Variants in PPM1D observed in about 807,000 individuals in gnomAD.
PPM1D encodes the protein protein phosphatase, Mg2+/Mn2+ dependent 1D, also known as protein phosphatase 1D.
In PPM1D, 52 loss-of-function variants were observed where a neutral mutation model predicts 58.3. That is an observed-to-expected ratio of 0.89 (90% CI 0.71 to 1.12). PPM1D has a LOEUF of 1.12. PPM1D is among the 50% of genes most tolerant of loss of function. PPM1D has a pLI of 0.00. For missense variants in PPM1D, 564 were observed against 777.2 expected (o/e 0.73, Z 3.26); for synonymous variants, 278 against 285.1 (o/e 0.98, Z 0.25).
intron 2 of PPM1D, among the ~76,000 whole-genome samples, chr17:60,630,924 G>A (rs999760276): frequency 1.3e-5 from 2 of 152,224 alleles, no homozygotes; most frequent in African/African-American, 4.8e-5. Flanking sequence ...TGAATGGCAA[G>A]TTTAGTCTTT....
intron 1 of PPM1D, among the ~76,000 whole-genome samples, chr17:60,616,494 C>T (rs1317234652): frequency 1.3e-5 from 2 of 151,914 alleles, no homozygotes; most frequent in Admixed American, 6.6e-5. Context: ...CCTATAATCC[C>T]AGCTACTCGG....
intron 1 of PPM1D, among the ~76,000 whole-genome samples, chr17:60,615,306 A>G (rs2030559555): frequency 6.6e-6 from 1 of 152,090 alleles, no homozygotes; most frequent in Admixed American, 6.6e-5. Context: ...GCTGCTTGGG[A>G]GGCCCAGGTG....
chr17:60,642,406 C>T (rs1354580356), intron 3 of PPM1D, among the ~76,000 whole-genome samples: 1 of 129,968 alleles, frequency 7.7e-6, no homozygotes, highest in Admixed American at 8.8e-5. Context: ...GGGCAATGAA[C>T]GATTTGTGAA....
Position 60,635,285 on chromosome 17 carries a change from G to A in PPM1D, c.826+1308G>A, listed in dbSNP as rs531449587. On this transcript the variant is annotated intron_variant, in intron 3 of 5. Coordinates refer to ENST00000305921, the MANE Select transcript of PPM1D (RefSeq NM_003620.4). ...GGCTGGAGTGCAGTGGTGCAGTCTCGGCTCACTGTAACCTCTGCCTCCTGG... is the reference window on the plus strand; with the variant it reads ...GGCTGGAGTGCAGTGGTGCAGTCTCAGCTCACTGTAACCTCTGCCTCCTGG... Among the ~76,000 whole-genome samples the A allele has an allele frequency of 1.6e-3, 240 of 150,900 alleles. 2 individuals are homozygous for A. Among genetic ancestry groups the A allele is most frequent in the South Asian group, 0.012 (59 of 4,754 alleles).
intron 4 of PPM1D, among the ~76,000 whole-genome samples, chr17:60,651,388 A>T (rs987330617): frequency 6.6e-6 from 1 of 151,728 alleles, no homozygotes; most frequent in Non-Finnish European, 1.5e-5. Flanking sequence ...CAGTTCAATT[A>T]ACAGTGTTTT....
intron 3 of PPM1D, among the ~76,000 whole-genome samples, chr17:60,640,018 G>A (rs961221211): frequency 6.6e-6 from 1 of 152,190 alleles, no homozygotes; most frequent in African/African-American, 2.4e-5. Flanking sequence ...TTTATAGGCA[G>A]TGGTAAATAA....
intron 1 of PPM1D, among the ~76,000 whole-genome samples, chr17:60,619,162 C>T (rs904229427): frequency 6.6e-6 from 1 of 151,104 alleles, no homozygotes; most frequent in Non-Finnish European, 1.5e-5. Context: ...TGGCATATTT[C>T]ACTTAGCATA....
At chr17:60,627,611 G>A (rs1485834947) in intron 2 of PPM1D, among the ~76,000 whole-genome samples, 1 of 151,902 alleles carries the variant, frequency 6.6e-6, no homozygotes, top group Non-Finnish European at 1.5e-5. Context: ...TAGTAGAAAC[G>A]GGGTTTCACC....
At position 60,663,048 on chromosome 17, in the gene PPM1D, C is replaced by T. The variant is rs1346442550; in HGVS notation, c.1314C>T (p.Ala438=). 2 of 1,614,118 alleles carry T rather than the reference C, an allele frequency of 1.2e-6. No homozygotes were observed. Among genetic ancestry groups the T allele is most frequent in the Admixed American group, 1.7e-5 (1 of 60,010 alleles). Reference sequence around the variant, plus strand: ...TGAATTCTAAGGACCATATACCTGCCCTGGTTCGTAGCAATGCCTTCTCAG... The same window carrying T: ...TGAATTCTAAGGACCATATACCTGCTCTGGTTCGTAGCAATGCCTTCTCAG... ...PRVNSKDHIP[A]LVRSNAFSEN... is the part of the protein sequence containing the mutation. Residue 438 remains alanine, a synonymous_variant, in exon 6 of 6, where the codon GCC becomes GCT. Coordinates refer to ENST00000305921, the MANE Select transcript of PPM1D (RefSeq NM_003620.4).
In PPM1D at chr17:60,600,590, C is replaced by T. The variant is rs1219480228; in HGVS notation, c.176C>T (p.Pro59Leu). ...LPPRPSPAAL[P>L]GGEVSGKGPA... ...CCGCGGCCGTCGCCGGCCGCCCTTC[C>T]CGGCGGCGAAGTCTCGGGGAAAGGC... Residue 59 changes from proline (P) to leucine (L), a missense_variant, in exon 1 of 6, where the codon CCC becomes CTC. Pro to Leu is a moderately conservative substitution (Grantham distance 98). Around this residue, in one of 7 missense-constraint regions of PPM1D, gnomAD observed 132 missense variants for 150.4 expected, o/e 0.88. Coordinates refer to ENST00000305921, the MANE Select transcript of PPM1D (RefSeq NM_003620.4). The T allele has an allele frequency of 6.4e-7, 1 of 1,556,760 alleles. No homozygotes were observed. The highest frequency in any genetic ancestry group is 1.2e-5 in the South Asian group (1 of 84,866).
chr17:60,614,652 C>G (rs1476764379), intron 1 of PPM1D, among the ~76,000 whole-genome samples: 3 of 152,134 alleles, frequency 2.0e-5, no homozygotes, highest in Non-Finnish European at 2.9e-5. Flanking sequence ...TCACTGGGTC[C>G]ACACTGTCTT....
In PPM1D at chr17:60,600,231, C is replaced by G. The variant is rs1252894895; in HGVS notation, c.-184C>G. 1 of 1,225,970 alleles carries G rather than the reference C, an allele frequency of 8.2e-7. No homozygotes were observed. The highest frequency in any genetic ancestry group is 1.6e-5 in the African/African-American group (1 of 63,106). 75.9% of individuals were successfully genotyped at this position (1,225,970 alleles called of 1,614,324 possible). ...AACTGCCTGGCTCTGCTCGCTCCGG[C>G]GCTCCGGCCCAGCTCTCGCGGACAA... On this transcript the variant is annotated 5_prime_UTR_variant, in exon 1 of 6. Coordinates refer to ENST00000305921, the MANE Select transcript of PPM1D (RefSeq NM_003620.4).
At chr17:60,656,407 T>G (rs1316379383) in intron 4 of PPM1D, among the ~76,000 whole-genome samples, 192 bp from the exon 5 acceptor site, 1 of 150,044 alleles carries the variant, frequency 6.7e-6, no homozygotes. Context: ...GACCCGAGAT[T>G]GCATCTCTGC....
At chr17:60,603,712 T>C (rs2030270021) in intron 1 of PPM1D, among the ~76,000 whole-genome samples, 1 of 151,824 alleles carries the variant, frequency 6.6e-6, no homozygotes, top group African/African-American at 2.4e-5. Context: ...TGCAGTGAGC[T>C]GGGATTGGGC....
chr17:60,627,644 A>AC (rs2030836892), intron 2 of PPM1D, among the ~76,000 whole-genome samples: 1 of 150,886 alleles, frequency 6.6e-6, no homozygotes, highest in Admixed American at 6.6e-5. Flanking sequence ...CTGGTCTTGA[A>AC]CTCCTGACCT....
chr17:60,602,425 ATT>A (rs34669060), intron 1 of PPM1D, among the ~76,000 whole-genome samples: 1 of 146,440 alleles, frequency 6.8e-6, no homozygotes. Flanking sequence ...TTAGTATTAA[ATT>A]TTTTTTTTTT....
At chr17:60,651,486 C>T (rs1475666885) in intron 4 of PPM1D, among the ~76,000 whole-genome samples, 1 of 151,726 alleles carries the variant, frequency 6.6e-6, no homozygotes, top group Non-Finnish European at 1.5e-5. Context: ...CAACCTCTGC[C>T]TCCCAGGTTC....
intron 3 of PPM1D, among the ~76,000 whole-genome samples, chr17:60,641,997 G>A (rs898075751): frequency 2.0e-5 from 3 of 152,222 alleles, no homozygotes; most frequent in African/African-American, 7.2e-5. Context: ...CAGTTTCCAA[G>A]GCACCTCCTT....
At chr17:60,633,439 G>A (rs1180951075) in intron 2 of PPM1D, among the ~76,000 whole-genome samples, 3 of 151,856 alleles carry the variant, frequency 2.0e-5, no homozygotes, top group Non-Finnish European at 4.4e-5. Flanking sequence ...CAAGAGTCTC[G>A]CTCTGTCATC....
Sources: allele counts gnomAD v4.1 joint callset (sites outside exome capture counted in the v4.1 genomes callset), GRCh38; gene constraint gnomAD v4.1.1; regional missense constraint gnomAD v4.1.1; transcripts MANE v1.5; gene names NCBI Gene and HGNC (gene_info 2026-07-23, HGNC 2026-07-21).